Variants in FRMD4A observed in about 807,000 individuals in gnomAD.
The protein encoded by FRMD4A is FERM domain-containing protein 4A.
FRMD4A carries 29 observed loss-of-function variants against 129.1 expected under a neutral mutation model. The ratio of observed to expected loss-of-function variants is 0.22; its 90% CI spans 0.17 to 0.31. The LOEUF (loss-of-function observed/expected upper bound fraction) is 0.31. FRMD4A is among the 10% of genes least tolerant of loss of function. FRMD4A has a pLI of 1.00. For missense variants in FRMD4A, 1,272 were observed against 1,375.8 expected, an observed-to-expected ratio of 0.92 and a Z score of 1.19; for synonymous variants, 634 against 571.6, an observed-to-expected ratio of 1.11 and a Z score of -1.56.
chr10:14,005,714 G>T (rs1463537454), intron 2 of FRMD4A, among the ~76,000 whole-genome samples: 3 of 152,134 alleles, frequency 2.0e-5, no homozygotes, highest in African/African-American at 7.2e-5. Context: ...TGATCCTATG[G>T]CAAGAACATA....
intron 4 of FRMD4A, among the ~76,000 whole-genome samples, chr10:13,798,351 G>A (rs1422837766): frequency 6.6e-6 from 1 of 152,096 alleles, no homozygotes; most frequent in Non-Finnish European, 1.5e-5. Context: ...GATGGAGGTT[G>A]CAGTGAGCTG....
chr10:14,324,721 G>A (rs767095348), intron 2 of FRMD4A, among the ~76,000 whole-genome samples: 14 of 152,116 alleles, frequency 9.2e-5, no homozygotes, highest in Non-Finnish European at 1.3e-4. Flanking sequence ...AGTGGCGTGC[G>A]CCGATCTCGG....
chr10:14,291,340 G>A (rs946484277), intron 2 of FRMD4A, among the ~76,000 whole-genome samples: 12 of 152,106 alleles, frequency 7.9e-5, no homozygotes, highest in African/African-American at 2.9e-4. Context: ...CAGGTAGCCT[G>A]ACAACAGCAC....
At chr10:13,889,442 G>C (rs768981512) in intron 2 of FRMD4A, among the ~76,000 whole-genome samples, 8 of 152,132 alleles carry the variant, frequency 5.3e-5, no homozygotes, top group Admixed American at 1.3e-4. Flanking sequence ...GCACATCTGG[G>C]ATGCTGTTCT....
At chr10:13,678,086 T>C (rs2084154116) in intron 15 of FRMD4A, among the ~76,000 whole-genome samples, 1 of 152,202 alleles carries the variant, frequency 6.6e-6, no homozygotes, top group Non-Finnish European at 1.5e-5. Context: ...ATGTTGCTAG[T>C]TATGGGATTA....
intron 13 of FRMD4A, among the ~76,000 whole-genome samples, chr10:13,705,205 C>T (rs2087296413): frequency 6.6e-6 from 1 of 152,188 alleles, no homozygotes; most frequent in South Asian, 2.1e-4. Context: ...TCGCAAGAAA[C>T]ATGACATTGA....
At chr10:13,867,256 G>GT (rs2094379261) in intron 2 of FRMD4A, among the ~76,000 whole-genome samples, 1 of 151,764 alleles carries the variant, frequency 6.6e-6, no homozygotes, top group East Asian at 1.9e-4. Flanking sequence ...TTTTTTGTTT[G>GT]TTTTTTTGTT....
intron 6 of FRMD4A, among the ~76,000 whole-genome samples, chr10:13,772,257 C>A (rs1004478965): frequency 6.9e-6 from 1 of 144,464 alleles, no homozygotes; most frequent in African/African-American, 2.7e-5. Context: ...TAGCTAATCC[C>A]TTTGGGCAAG....
At chr10:14,285,587 C>T (rs1355957110) in intron 2 of FRMD4A, among the ~76,000 whole-genome samples, 1 of 152,222 alleles carries the variant, frequency 6.6e-6, no homozygotes, top group Non-Finnish European at 1.5e-5. Context: ...CTACCACATG[C>T]TGTGAGACTA....
intron 2 of FRMD4A, among the ~76,000 whole-genome samples, chr10:13,886,485 A>G (rs2094622648): frequency 6.6e-6 from 1 of 152,242 alleles, no homozygotes; most frequent in African/African-American, 2.4e-5. Flanking sequence ...GCCATACCAC[A>G]GCACAGACTA....
rs375415140 is a variant in FRMD4A, at chr10:14,255,285, G to C, written c.45+74773C>G. On this transcript the variant is annotated intron_variant, in intron 2 of 24. Coordinates refer to ENST00000357447, the MANE Select transcript of FRMD4A (RefSeq NM_018027.5). ...AGCTGAAAGCCAGACAACTTCCTCTGTTGCCTCGTTGCTGCCTTCTAACAT... is the reference window on the plus strand; with the variant it reads ...AGCTGAAAGCCAGACAACTTCCTCTCTTGCCTCGTTGCTGCCTTCTAACAT... 2.0e-5 allele frequency among the ~76,000 whole-genome samples: 3 copies of C among 152,258 alleles called. No homozygotes were observed. In the South Asian group the frequency reaches 6.2e-4, roughly 32 times the overall value.
At chr10:13,733,864 T>C (rs1487463730) in intron 12 of FRMD4A, among the ~76,000 whole-genome samples, 4 of 152,204 alleles carry the variant, frequency 2.6e-5, no homozygotes, top group African/African-American at 7.2e-5. Context: ...GGAAATGAAC[T>C]CTTCACTCCT....
intron 2 of FRMD4A, among the ~76,000 whole-genome samples, chr10:13,913,074 A>C (rs868611817): frequency 0.015 from 2,000 of 134,882 alleles, 46 homozygotes; most frequent in African/African-American, 0.053. Context: ...ACTCCATTTA[A>C]AAAAAAAAAA....
intron 3 of FRMD4A, among the ~76,000 whole-genome samples, chr10:13,849,101 G>A (rs1453775547): frequency 6.6e-6 from 1 of 152,200 alleles, no homozygotes; most frequent in Admixed American, 6.5e-5. Context: ...AAATGATGAT[G>A]GGATCGCAGT....
intron 2 of FRMD4A, among the ~76,000 whole-genome samples, chr10:13,872,941 G>A (rs1029355740): frequency 3.3e-5 from 5 of 152,222 alleles, no homozygotes; most frequent in East Asian, 1.9e-4. Flanking sequence ...TTTGGGAGGC[G>A]GAGGGGGGCA....
intron 2 of FRMD4A, among the ~76,000 whole-genome samples, chr10:13,959,258 G>C (rs1427966055): frequency 1.3e-5 from 2 of 152,076 alleles, no homozygotes; most frequent in Non-Finnish European, 2.9e-5. Context: ...CAGATCATGA[G>C]GTCAGGAGTT....
intron 2 of FRMD4A, among the ~76,000 whole-genome samples, chr10:14,321,145 C>T (rs1308223654): frequency 6.6e-6 from 1 of 151,952 alleles, no homozygotes; most frequent in East Asian, 1.9e-4. Context: ...CACTGTATCC[C>T]TCCTATTAAA....
intron 12 of FRMD4A, among the ~76,000 whole-genome samples, chr10:13,719,816 T>C (rs769221833): frequency 2.6e-5 from 4 of 152,144 alleles, no homozygotes; most frequent in Non-Finnish European, 4.4e-5. Context: ...TTAACCAGAA[T>C]TATTCAAGGG....
At chr10:14,055,435 A>G (rs12357465) in intron 2 of FRMD4A, among the ~76,000 whole-genome samples, 47,027 of 144,820 alleles carry the variant, frequency 0.32, 7,412 homozygotes, top group East Asian at 0.43. Flanking sequence ...ATGCTGATCT[A>G]GCTACACACA....
Sources: allele counts gnomAD v4.1 joint callset (sites outside exome capture counted in the v4.1 genomes callset), GRCh38; gene constraint gnomAD v4.1.1; transcripts MANE v1.5; gene names NCBI Gene and HGNC (gene_info 2026-07-23, HGNC 2026-07-21).